The following USP15 variants were observed in gnomAD, a reference collection of about 807,000 sequenced individuals.
USP15 encodes the protein ubiquitin carboxyl-terminal hydrolase 15.
USP15 carries 18 observed loss-of-function variants against 127.1 expected under a neutral mutation model. That is an observed-to-expected ratio of 0.14 (90% confidence interval 0.10 to 0.21). The LOEUF is 0.21. Among genes scored for constraint, USP15 ranks in the 10% least tolerant of loss-of-function variants. USP15 has a pLI of 1.00. For synonymous variants in USP15, 364 were observed against 393.7 expected (o/e 0.92, Z 0.89); for missense variants, 805 against 1,159.9 (o/e 0.69, Z 4.44).
chr12:62,375,449 C>T (rs1592693904), intron 8 of USP15, among the ~76,000 whole-genome samples: 1 of 152,060 alleles, frequency 6.6e-6, no homozygotes, highest in African/African-American at 2.4e-5. Context: ...CCATTCATTC[C>T]ACATACCTGT....
chr12:62,335,195 C>A (rs1050256211), intron 6 of USP15: 2 of 1,535,644 alleles, frequency 1.3e-6, no homozygotes, highest in Non-Finnish European at 1.7e-6. Context: ...TGCTAGTGAA[C>A]AGTTTAATTT....
intron 6 of USP15, chr12:62,336,035 A>C: frequency 1.0e-6 from 1 of 984,556 alleles, no homozygotes; most frequent in Non-Finnish European, 1.2e-6. Context: ...TCTATGTGAT[A>C]GGCCCTCCTT....
In USP15 at chr12:62,404,502, T is replaced by A; in HGVS notation, c.*127T>A. 1 of 1,325,994 alleles carries A rather than the reference T, an allele frequency of 7.5e-7. No homozygotes were observed. The highest frequency in any genetic ancestry group is 9.9e-7 in the Non-Finnish European group (1 of 1,012,236). The allele number at this position is 1,325,994 out of a possible 1,614,324, so 82.1% of individuals were successfully genotyped here. On this transcript the variant is annotated 3_prime_UTR_variant, in exon 22 of 22. Transcript: ENST00000280377. ...GTTTCAGATAACCGAATGTAAATCC[T>A]TTATCAGATTTTAACTTGTGCAGTA... is the stretch of plus-strand genomic sequence containing the variant.
chr12:62,339,595 G>C (rs2065585623), intron 6 of USP15, among the ~76,000 whole-genome samples: 1 of 152,128 alleles, frequency 6.6e-6, no homozygotes, highest in African/African-American at 2.4e-5. Flanking sequence ...TTAACATGAA[G>C]GGATGTTGAA....
At chr12:62,343,342 T>C (rs1592631163) in intron 6 of USP15, among the ~76,000 whole-genome samples, 1 of 152,330 alleles carries the variant, frequency 6.6e-6, no homozygotes, top group East Asian at 1.9e-4. Flanking sequence ...CCTAGCTTTC[T>C]GGGATCCATG....
At chr12:62,320,635 C>G (rs1411298095) in intron 4 of USP15, among the ~76,000 whole-genome samples, 5 of 151,954 alleles carry the variant, frequency 3.3e-5, no homozygotes, top group Non-Finnish European at 5.9e-5. Context: ...TTATCAAAAC[C>G]TTACTGACTA....
chr12:62,328,647 AT>A (rs554276368), intron 6 of USP15, among the ~76,000 whole-genome samples: 3 of 151,102 alleles, frequency 2.0e-5, no homozygotes, highest in African/African-American at 7.3e-5. Flanking sequence ...CCTGTTCAAA[AT>A]TTTTTTTTTC....
At chr12:62,268,004 C>T (rs1270966221) in intron 1 of USP15, among the ~76,000 whole-genome samples, 2 of 151,982 alleles carry the variant, frequency 1.3e-5, no homozygotes, top group Non-Finnish European at 2.9e-5. Flanking sequence ...AGCTGAAGAA[C>T]TTTTTAATTC....
intron 8 of USP15, among the ~76,000 whole-genome samples, chr12:62,366,992 G>C (rs1287682450): frequency 2.0e-5 from 3 of 152,132 alleles, no homozygotes; most frequent in Non-Finnish European, 4.4e-5. Context: ...GTTCATCAGG[G>C]ATATTGGCCT....
chr12:62,261,141 T>G (rs2063042868), intron 1 of USP15, among the ~76,000 whole-genome samples: 1 of 152,112 alleles, frequency 6.6e-6, no homozygotes, highest in Non-Finnish European at 1.5e-5. Flanking sequence ...AGTGGTGGCT[T>G]GATAGAAGCC....
chr12:62,373,707 C>CTT (rs141042020), intron 8 of USP15, among the ~76,000 whole-genome samples: 10,710 of 151,742 alleles, frequency 0.071, 571 homozygotes, highest in Non-Finnish European at 0.11. Context: ...TAAGTTTGTT[C>CTT]TTTTTTTAAA....
intron 1 of USP15, among the ~76,000 whole-genome samples, chr12:62,275,549 A>G (rs1592471147): frequency 6.6e-6 from 1 of 152,052 alleles, no homozygotes; most frequent in African/African-American, 2.4e-5. Flanking sequence ...AGTTGAGGAA[A>G]TGGAAACTTG....
intron 3 of USP15, among the ~76,000 whole-genome samples, chr12:62,307,200 G>A (rs535821790): frequency 4.6e-5 from 7 of 152,174 alleles, no homozygotes; most frequent in South Asian, 4.1e-4. Context: ...AATGAAAGAC[G>A]CCTTTGACCT....
At chr12:62,363,869 T>C (rs965143934) in intron 8 of USP15, among the ~76,000 whole-genome samples, 1 of 152,186 alleles carries the variant, frequency 6.6e-6, no homozygotes, top group African/African-American at 2.4e-5. Flanking sequence ...ATCATAATGA[T>C]AGATGTAACC....
chr12:62,288,585 A>T (rs998634250), intron 1 of USP15, among the ~76,000 whole-genome samples: 13 of 151,878 alleles, frequency 8.6e-5, no homozygotes, highest in Admixed American at 4.6e-4. Context: ...AACTTGGATG[A>T]CTTATTTCTG....
intron 1 of USP15, among the ~76,000 whole-genome samples, chr12:62,261,345 C>T (rs2063050202): frequency 6.6e-6 from 1 of 152,156 alleles, no homozygotes; most frequent in Admixed American, 6.5e-5. Flanking sequence ...TATCAAGTGG[C>T]ATCTACAATA....
intron 11 of USP15, among the ~76,000 whole-genome samples, chr12:62,388,430 G>C (rs569670812): frequency 1.3e-5 from 2 of 152,326 alleles, no homozygotes; most frequent in South Asian, 4.1e-4. Flanking sequence ...ACTGGGCCCA[G>C]CCCAATGAAG....
At chr12:62,395,765 C>T (rs2067471022) in intron 19 of USP15, among the ~76,000 whole-genome samples, 1 of 151,500 alleles carries the variant, frequency 6.6e-6, no homozygotes, top group Non-Finnish European at 1.5e-5. Context: ...CTTTCTGTGC[C>T]TGGCTTATTT....
Position 62,294,310 on chromosome 12 carries a change from A to G in USP15, c.217+4A>G, listed in dbSNP as rs767892845. 3.7e-6 allele frequency: 6 copies of G among 1,602,660 alleles called. No homozygotes were observed. Among genetic ancestry groups the G allele is most frequent in the East Asian group, 2.3e-5 (1 of 44,354 alleles). ...GATAACTCTGGACTTCTCAAAGGTC[A>G]TTATTTTCTTCCTTCAGTCAAGTTG... On this transcript the variant is annotated splice_donor_region_variant and intron_variant, in intron 2 of 21. Coordinates refer to ENST00000280377, the MANE Select transcript of USP15 (RefSeq NM_001252078.2).
Sources: allele counts gnomAD v4.1 joint callset (sites outside exome capture counted in the v4.1 genomes callset), GRCh38; gene constraint gnomAD v4.1.1; transcripts MANE v1.5; gene names NCBI Gene and HGNC (gene_info 2026-07-23, HGNC 2026-07-21).